Variants in DMD observed in about 807,000 individuals in gnomAD.
The protein encoded by DMD is mutant dystrophin.
DMD carries 63 observed loss-of-function variants against 330.1 expected under a neutral mutation model. That is an observed-to-expected ratio of 0.19 (90% CI 0.16 to 0.24). DMD has a LOEUF of 0.24. Among genes scored for constraint, DMD ranks in the 10% least tolerant of loss-of-function variants. DMD has a pLI of 1.00. For missense variants in DMD, 3,344 were observed against 2,684.1 expected, an observed-to-expected ratio of 1.25 and a Z score of -5.43; for synonymous variants, 1,223 against 959.8, an observed-to-expected ratio of 1.27 and a Z score of -5.07.
intron 17 of DMD, among the ~76,000 whole-genome samples, chrX:32,535,915 T>G (rs1474861046): frequency 9.0e-6 from 1 of 111,613 alleles, no homozygotes; most frequent in Non-Finnish European, 1.9e-5. Flanking sequence ...GATACAGGCA[T>G]GCAAAAATAA....
At position 31,831,901 on chromosome X, in the gene DMD, C is replaced by T. The variant is rs1190884011; in HGVS notation, c.7200+4817G>A. The stretch of plus-strand genomic sequence containing the variant: ...ACAGGCGCGAGCCACCGCGCCCAGT[C>T]GCAAACTTGTAATTTAAAAAAATAA... On this transcript the variant is annotated intron_variant, in intron 49 of 78. Transcript: ENST00000357033. Among the ~76,000 whole-genome samples the T allele has an allele frequency of 7.1e-5, 8 of 112,689 alleles. No homozygotes were observed. The East Asian group carries it at 1.7e-3, about 24-fold the overall frequency.
At chrX:31,525,758 C>G (rs1354621585) in intron 55 of DMD, among the ~76,000 whole-genome samples, 1 of 112,456 alleles carries the variant, frequency 8.9e-6, no homozygotes, top group Admixed American at 9.4e-5. Context: ...TTTCACTTTA[C>G]TCGTTGACGG....
At chrX:32,310,330 T>G (rs1018943860) in intron 41 of DMD, 54 bp from the exon 42 acceptor site, 5 of 996,526 alleles carry the variant, frequency 5.0e-6, no homozygotes, top group Non-Finnish European at 7.1e-6. Flanking sequence ...CAGTGAAACC[T>G]CCTCCATTAA....
At chrX:32,501,674 G>T (rs2044067795) in intron 19 of DMD, 81 bp downstream of exon 19, 2 of 703,729 alleles carry the variant, frequency 2.8e-6, no homozygotes, top group Admixed American at 2.5e-5. Flanking sequence ...GTGCTTGTCT[G>T]ATATAATTCA....
At chrX:31,932,020 A>T (rs1410410121) in intron 46 of DMD, 60 bp downstream of exon 46, 1 of 1,140,728 alleles carries the variant, frequency 8.8e-7, no homozygotes, top group Non-Finnish European at 1.2e-6. Context: ...GAATTAAAAA[A>T]TAGATTCATA....
intron 48 of DMD, among the ~76,000 whole-genome samples, chrX:31,853,365 A>G (rs766210373): frequency 1.8e-5 from 2 of 112,503 alleles, no homozygotes; most frequent in South Asian, 7.4e-4. Context: ...TTCTGAAAAT[A>G]GGTGGAGGAC....
chrX:31,301,244 T>A (rs1275031449), intron 62 of DMD, among the ~76,000 whole-genome samples: 1 of 111,433 alleles, frequency 9.0e-6, no homozygotes, highest in African/African-American at 3.3e-5. Context: ...TGGGGAAGGG[T>A]CACAGTAGCT....
chrX:32,439,832 C>A (rs1208305764), intron 28 of DMD, among the ~76,000 whole-genome samples: 1 of 111,311 alleles, frequency 9.0e-6, no homozygotes, highest in Non-Finnish European at 1.9e-5. Flanking sequence ...ATTATGACCA[C>A]AACATAGAAA....
At chrX:32,335,976 ACATGT>A (rs2097710753) in intron 41 of DMD, among the ~76,000 whole-genome samples, 2 of 98,984 alleles carry the variant, frequency 2.0e-5, no homozygotes, top group Non-Finnish European at 2.0e-5. Context: ...TATGTGTATA[ACATGT>A]TATATATAAC....
At chrX:32,425,953 C>T (rs764616033) in intron 29 of DMD, among the ~76,000 whole-genome samples, 1 of 111,830 alleles carries the variant, frequency 8.9e-6, no homozygotes, top group Non-Finnish European at 1.9e-5. Flanking sequence ...AAGAATAAAA[C>T]CTTACACCAT....
intron 44 of DMD, among the ~76,000 whole-genome samples, chrX:32,028,370 G>A (rs2095861409): frequency 9.0e-6 from 1 of 111,265 alleles, no homozygotes; most frequent in African/African-American, 3.3e-5. Flanking sequence ...AGGATGGAGG[G>A]AAAATGTAGT....
At chrX:32,512,235 T>G (rs1380356470) in intron 18 of DMD, among the ~76,000 whole-genome samples, 3 of 112,053 alleles carry the variant, frequency 2.7e-5, no homozygotes, top group Non-Finnish European at 1.9e-5. Context: ...CTTAAAAGCC[T>G]CCTCTTTCTG....
chrX:32,437,694 A>G (rs1433940082), intron 29 of DMD, among the ~76,000 whole-genome samples: 1 of 112,510 alleles, frequency 8.9e-6, no homozygotes, highest in East Asian at 2.8e-4. Context: ...TCTTCTTGAC[A>G]AATAATCCAT....
intron 55 of DMD, among the ~76,000 whole-genome samples, chrX:31,518,172 A>G (rs2072426851): frequency 8.9e-6 from 1 of 111,958 alleles, no homozygotes; most frequent in Non-Finnish European, 1.9e-5. Context: ...TTTAAAAAGA[A>G]GCCGTGGACC....
At chrX:31,393,425 C>T (rs1201320808) in intron 60 of DMD, among the ~76,000 whole-genome samples, 2 of 100,124 alleles carry the variant, frequency 2.0e-5, no homozygotes, top group East Asian at 6.3e-4. Flanking sequence ...TGCAGTGAGC[C>T]GAGATTGCGC....
chrX:32,399,923 TC>T (rs2098073976), intron 30 of DMD, among the ~76,000 whole-genome samples: 1 of 111,678 alleles, frequency 9.0e-6, no homozygotes, highest in Non-Finnish European at 1.9e-5. Flanking sequence ...TTTGACTTCC[TC>T]TTTTCCTGAT....
At chrX:33,136,306 A>AAAAAAAAC (rs2095527412) in intron 1 of DMD, among the ~76,000 whole-genome samples, 1 of 89,253 alleles carries the variant, frequency 1.1e-5, no homozygotes, top group African/African-American at 4.1e-5. Context: ...AAAAAAAAAA[A>AAAAAAAAC]CCACAACAGA....
chrX:31,182,111 G>T (rs1385675960), intron 68 of DMD, among the ~76,000 whole-genome samples: 3 of 112,279 alleles, frequency 2.7e-5, no homozygotes, highest in Non-Finnish European at 5.6e-5. Context: ...TATAAGGACT[G>T]GTTGTTTTTT....
chrX:33,259,605 C>T lies in DMD; in HGVS notation c.7+79654G>A, dbSNP rs1161690182. ...GTAAATATTTCAAAATCGCCCCCCC[C>T]CCCCAAAAAAAAAAAGGAAATCTGA... On this transcript the variant is annotated intron_variant, in intron 1 of 17. Coordinates refer to the DMD transcript ENST00000288447. Among the ~76,000 whole-genome samples, 17 of 70,292 alleles carry T rather than the reference C, an allele frequency of 2.4e-4. 1 individual carries two copies. The highest frequency in any genetic ancestry group is 4.1e-4 in the Non-Finnish European group (15 of 36,779). 61.0% of individuals were successfully genotyped at this position (70,292 alleles called of 115,157 possible).
Sources: allele counts gnomAD v4.1 joint callset (sites outside exome capture counted in the v4.1 genomes callset), GRCh38; gene constraint gnomAD v4.1.1; transcripts MANE v1.5; gene names NCBI Gene and HGNC (gene_info 2026-07-23, HGNC 2026-07-21).